MYRFL: variants seen among roughly 807,000 people sequenced by gnomAD.
The protein encoded by MYRFL is myelin regulatory factor like, also known as myelin regulatory factor-like protein.
In MYRFL, 88 loss-of-function variants were observed where a neutral mutation model predicts 109.4. That is an observed-to-expected ratio of 0.80 (90% CI 0.68 to 0.96). The LOEUF is 0.96. Ranked by LOEUF, MYRFL falls within the 40% of genes least tolerant of loss-of-function variation. The probability of loss-of-function intolerance (pLI) is 0.00; values close to 1 mark genes in which losing one functional copy is unlikely to be tolerated. For synonymous variants in MYRFL, 324 were observed against 320.9 expected (o/e 1.01, Z -0.10); for missense variants, 957 against 954.9 (o/e 1.00, Z -0.03).
At chr12:69,947,670 T>C (rs1490605252) in intron 19 of MYRFL, among the ~76,000 whole-genome samples, 2 of 152,192 alleles carry the variant, frequency 1.3e-5, no homozygotes, top group Non-Finnish European at 2.9e-5. Flanking sequence ...GAAGATTTTT[T>C]AAAAATCTGG....
chr12:69,879,004 G>T, intron 2 of MYRFL, 24 bp from the exon 3 acceptor site: 3 of 702,828 alleles, frequency 4.3e-6, no homozygotes, highest in Non-Finnish European at 7.8e-6. Flanking sequence ...AAACAAAAAC[G>T]CAATGTATGT....
chr12:69,901,498 G>A (rs11177951), intron 10 of MYRFL, among the ~76,000 whole-genome samples: 48,244 of 152,064 alleles, frequency 0.32, 7,951 homozygotes, highest in African/African-American at 0.36. Flanking sequence ...CTAAGTGAGA[G>A]TATTGCAATT....
At chr12:69,891,669 C>T (rs1431295523) in intron 7 of MYRFL, among the ~76,000 whole-genome samples, 2 of 97,734 alleles carry the variant, frequency 2.0e-5, no homozygotes, top group African/African-American at 4.6e-5. Flanking sequence ...TTCTTTCTTT[C>T]TTTCTTTCTT....
intron 1 of MYRFL, among the ~76,000 whole-genome samples, chr12:69,831,916 C>A (rs1007188571): frequency 2.0e-5 from 3 of 152,014 alleles, no homozygotes; most frequent in African/African-American, 7.3e-5. Flanking sequence ...GAAAGAATTG[C>A]AATTTGGAGC....
At chr12:69,846,561 T>G (rs904588050) in intron 1 of MYRFL, among the ~76,000 whole-genome samples, 1 of 151,784 alleles carries the variant, frequency 6.6e-6, no homozygotes, top group Non-Finnish European at 1.5e-5. Flanking sequence ...TATTCCATGG[T>G]GTATATGTGC....
intron 2 of MYRFL, among the ~76,000 whole-genome samples, chr12:69,861,664 A>AGG (rs1884678200): frequency 6.6e-6 from 1 of 152,010 alleles, no homozygotes. Context: ...TGTCAGATGA[A>AGG]TAGGTTGTGA....
At chr12:69,863,239 T>C (rs1417696654) in intron 2 of MYRFL, among the ~76,000 whole-genome samples, 1 of 152,186 alleles carries the variant, frequency 6.6e-6, no homozygotes, top group Non-Finnish European at 1.5e-5. Context: ...TGCCCGGCGT[T>C]GGTATCAGGA....
intron 1 of MYRFL, among the ~76,000 whole-genome samples, chr12:69,830,667 TCTATGAA>T (rs1254715941): frequency 6.6e-6 from 1 of 152,062 alleles, no homozygotes; most frequent in Non-Finnish European, 1.5e-5. Flanking sequence ...TCTGAACATT[TCTATGAA>T]ATTATCTGAA....
At chr12:69,940,507 G>C (rs1488680456) in intron 19 of MYRFL, among the ~76,000 whole-genome samples, 1 of 150,442 alleles carries the variant, frequency 6.6e-6, no homozygotes, top group East Asian at 2.0e-4. Flanking sequence ...AATGCTGAGA[G>C]ATTTTGTCAC....
intron 16 of MYRFL, among the ~76,000 whole-genome samples, chr12:69,934,007 G>C (rs747196857): frequency 6.6e-5 from 10 of 152,174 alleles, no homozygotes; most frequent in Admixed American, 3.9e-4. Context: ...GAATGGAACA[G>C]ATGTGTCCAT....
At chr12:69,934,755 G>C (rs1047879571) in intron 16 of MYRFL, among the ~76,000 whole-genome samples, 1 of 152,158 alleles carries the variant, frequency 6.6e-6, no homozygotes, top group Non-Finnish European at 1.5e-5. Context: ...CCAAATTCAG[G>C]TTATCTCTGT....
intron 15 of MYRFL, among the ~76,000 whole-genome samples, chr12:69,928,757 G>A (rs1955178051): frequency 6.6e-6 from 1 of 152,172 alleles, no homozygotes; most frequent in Admixed American, 6.5e-5. Flanking sequence ...ATTAGGATTA[G>A]GGGAGCTAAA....
intron 1 of MYRFL, among the ~76,000 whole-genome samples, chr12:69,835,820 G>A (rs1265928671): frequency 6.6e-6 from 1 of 152,178 alleles, no homozygotes; most frequent in Admixed American, 6.5e-5. Flanking sequence ...GCATACAGAC[G>A]GGCAGGCTGT....
In MYRFL at chr12:69,926,695, G is replaced by A. The variant is rs2120446750; in HGVS notation, c.1727G>A (p.Ser576Asn). The A allele has an allele frequency of 1.3e-6, 2 of 1,513,094 alleles. No homozygotes were observed. Among genetic ancestry groups the A allele is most frequent in the Non-Finnish European group, 1.8e-6 (2 of 1,134,296 alleles). The allele number at this position is 1,513,094 out of a possible 1,614,324, so 93.7% of individuals were successfully genotyped here. The change falls in exon 14 of 25, where the codon AGT (serine) becomes AAT (asparagine). Residue 576 changes from serine (S) to asparagine (N), a missense_variant. By Grantham distance (46) the Ser-to-Asn change is conservative (BLOSUM62 1). Transcript: ENST00000552032. Reference sequence around the variant, plus strand: ...AAGCTGGCCCGGCTAAAGCGGCTCAGTAGTTGGAAGTCATCAGCCAGTGAA... The same window carrying A: ...AAGCTGGCCCGGCTAAAGCGGCTCAATAGTTGGAAGTCATCAGCCAGTGAA... The part of the protein sequence containing the change: ...NRKLARLKRL[S>N]SWKSSASEAS...
intron 13 of MYRFL, 133 bp from the exon 14 acceptor site, chr12:69,926,438 A>G (rs1243466898): frequency 1.0e-5 from 7 of 676,124 alleles, no homozygotes; most frequent in African/African-American, 9.2e-5. Context: ...TTTATCTTGA[A>G]TGAACTTGAA....
At chr12:69,896,336 G>A (rs1592778564) in intron 9 of MYRFL, among the ~76,000 whole-genome samples, 2 of 152,108 alleles carry the variant, frequency 1.3e-5, no homozygotes, top group Non-Finnish European at 2.9e-5. Flanking sequence ...TAATGATAAC[G>A]GTTACTACTC....
At chr12:69,856,070 C>T (rs1884264568) in intron 2 of MYRFL, among the ~76,000 whole-genome samples, 1 of 151,858 alleles carries the variant, frequency 6.6e-6, no homozygotes. Flanking sequence ...CTATGCCGTT[C>T]ATTTGTGATC....
intron 10 of MYRFL, among the ~76,000 whole-genome samples, chr12:69,902,129 G>A (rs2136344904): frequency 6.6e-6 from 1 of 151,892 alleles, no homozygotes. Context: ...CCTGACCTCA[G>A]GTGATCCACA....
At chr12:69,940,047 CTA>C (rs1955596175) in intron 19 of MYRFL, among the ~76,000 whole-genome samples, 1 of 150,854 alleles carries the variant, frequency 6.6e-6, no homozygotes, top group South Asian at 2.1e-4. Flanking sequence ...AAATATGGGA[CTA>C]TGTGAAAAGA....
Sources: allele counts gnomAD v4.1 joint callset (sites outside exome capture counted in the v4.1 genomes callset), GRCh38; gene constraint gnomAD v4.1.1; transcripts MANE v1.5; gene names NCBI Gene and HGNC (gene_info 2026-07-23, HGNC 2026-07-21).